Variants in LARGE1 observed in about 807,000 individuals in gnomAD.
LARGE1 encodes LARGE xylosyl- and glucuronyltransferase 1, also known as xylosyl- and glucuronyltransferase LARGE1.
Under a neutral mutation model 87.6 loss-of-function variants are expected in LARGE1, and 43 were observed. The ratio of observed to expected loss-of-function variants is 0.49; its 90% CI spans 0.38 to 0.63. The LOEUF (loss-of-function observed/expected upper bound fraction) is 0.63. Ranked by LOEUF, LARGE1 falls within the 30% of genes least tolerant of loss-of-function variation. The pLI, the probability that LARGE1 is intolerant of heterozygous loss-of-function variation, is 0.00. For missense variants in LARGE1, 802 were observed against 1,000.2 expected (o/e 0.80, Z 2.67); for synonymous variants, 434 against 394.6 (o/e 1.10, Z -1.18).
intron 11 of LARGE1, among the ~76,000 whole-genome samples, chr22:33,204,839 G>C (rs577674443): frequency 1.3e-4 from 19 of 151,830 alleles, no homozygotes; most frequent in East Asian, 7.7e-4. Context: ...ACTATAGAAG[G>C]GTTCTGTTGA....
At chr22:33,690,453 A>C (rs1437285805) in intron 2 of LARGE1, among the ~76,000 whole-genome samples, 1 of 152,138 alleles carries the variant, frequency 6.6e-6, no homozygotes, top group Non-Finnish European at 1.5e-5. Flanking sequence ...ATAGGTATCT[A>C]CATCCCCAGG....
chr22:33,300,464 T>A (rs1933998547), intron 12 of LARGE1, among the ~76,000 whole-genome samples: 2 of 152,210 alleles, frequency 1.3e-5, no homozygotes, highest in African/African-American at 4.8e-5. Flanking sequence ...TAGCTTCAGC[T>A]GCCTGGGCTC....
the LARGE1 span, among the ~76,000 whole-genome samples, chr22:33,120,203 T>G: frequency 6.6e-6 from 1 of 152,112 alleles, no homozygotes; most frequent in Non-Finnish European, 1.5e-5. Flanking sequence ...CTCTTAAGTC[T>G]TTTCTCAATT....
intron 2 of LARGE1, among the ~76,000 whole-genome samples, chr22:33,689,914 G>A (rs759840703): frequency 4.6e-5 from 7 of 151,462 alleles, no homozygotes; most frequent in Non-Finnish European, 1.0e-4. Context: ...GTGACAGGGC[G>A]AGACTCTGTC....
the LARGE1 span, among the ~76,000 whole-genome samples, chr22:33,100,610 T>C: frequency 1.3e-5 from 2 of 152,294 alleles, no homozygotes; most frequent in East Asian, 1.9e-4. Context: ...AAGTTTAATG[T>C]GTACATGTAT....
At chr22:33,386,190 C>G (rs1400353240) in intron 7 of LARGE1, among the ~76,000 whole-genome samples, 1 of 148,796 alleles carries the variant, frequency 6.7e-6, no homozygotes, top group Non-Finnish European at 1.5e-5. Flanking sequence ...TCCCTGAGAT[C>G]TCTACAAGAT....
At chr22:33,171,834 CCACA>C (rs1411020592) in intron 11 of LARGE1, among the ~76,000 whole-genome samples, 8 of 152,176 alleles carry the variant, frequency 5.3e-5, no homozygotes. Context: ...GTTGGAGTCC[CCACA>C]CAGAGTCCCC....
intron 6 of LARGE1, among the ~76,000 whole-genome samples, chr22:33,480,130 C>CTG: frequency 6.6e-6 from 1 of 152,168 alleles, no homozygotes; most frequent in Non-Finnish European, 1.5e-5. Context: ...CTACTCAAAG[C>CTG]AACGGTGCCT....
chr22:33,474,362 C>T (rs2068982666), intron 6 of LARGE1, among the ~76,000 whole-genome samples: 2 of 152,072 alleles, frequency 1.3e-5, no homozygotes, highest in African/African-American at 4.8e-5. Flanking sequence ...GGGGTTTCAC[C>T]ATTTTGGTCA....
At chr22:33,564,305 C>G (rs1274086321) in intron 6 of LARGE1, among the ~76,000 whole-genome samples, 1 of 152,126 alleles carries the variant, frequency 6.6e-6, no homozygotes, top group African/African-American at 2.4e-5. Flanking sequence ...CCTAGGTACT[C>G]TCATATACCT....
chr22:33,211,568 C>T (rs1482991678), intron 11 of LARGE1, among the ~76,000 whole-genome samples: 1 of 151,754 alleles, frequency 6.6e-6, no homozygotes, highest in Non-Finnish European at 1.5e-5. Flanking sequence ...GGTCAGGAGT[C>T]CGAGACCAGC....
rs546458812 is a variant in LARGE1, at chr22:33,457,626, TAAAAGTGTACAA to T, written c.788-25373_788-25362del. Among the ~76,000 whole-genome samples the T allele has an allele frequency of 3.0e-4, 46 of 151,812 alleles. 1 individual carries two copies. In the South Asian group the frequency reaches 8.7e-3, roughly 29 times the overall value. Reference sequence around the variant, plus strand: ...CATAAGACAAAAAATGGAATGTAAGTAAAAGTGTACAAAAAAGTGTACAAAAAAGGAATGTAA... The same window carrying T: ...CATAAGACAAAAAATGGAATGTAAGTAAAAGTGTACAAAAAAGGAATGTAA... On this transcript the variant is annotated intron_variant, in intron 6 of 14. Transcript: ENST00000397394.
intron 1 of LARGE1, among the ~76,000 whole-genome samples, chr22:33,832,599 C>G (rs4821189): frequency 0.85 from 129,348 of 152,258 alleles, 55,060 homozygotes; most frequent in African/African-American, 0.9. Flanking sequence ...GATTAAGATG[C>G]GGCAACCCCA....
intron 7 of LARGE1, among the ~76,000 whole-genome samples, chr22:33,407,877 C>G (rs1178126218): frequency 6.6e-6 from 1 of 152,046 alleles, no homozygotes; most frequent in Non-Finnish European, 1.5e-5. Context: ...AGCAGAGAGA[C>G]ACTCTGTAAA....
chr22:33,590,085 T>G lies in LARGE1; in HGVS notation c.615+14350A>C, dbSNP rs185874392. On this transcript the variant is annotated intron_variant, in intron 5 of 14. Transcript: ENST00000397394. Reference sequence around the variant, plus strand: ...TCATTAACAAGATGATTCATCTTTCTTTTCTGTGGCCAAAGCTCTCCCAAC... The same window carrying G: ...TCATTAACAAGATGATTCATCTTTCGTTTCTGTGGCCAAAGCTCTCCCAAC... 5.9e-3 allele frequency among the ~76,000 whole-genome samples: 905 copies of G among 152,354 alleles called. 6 individuals carry two copies. Among genetic ancestry groups the G allele is most frequent in the Non-Finnish European group, 9.4e-3 (641 of 68,032 alleles).
chr22:33,535,743 T>A lies in LARGE1; in HGVS notation c.787+29105A>T, dbSNP rs146411275. On this transcript the variant is annotated intron_variant, in intron 6 of 14. Coordinates refer to ENST00000397394, the MANE Select transcript of LARGE1 (RefSeq NM_133642.5). Reference sequence around the variant, plus strand: ...TGGAACCTCTCACGGCTGAGCCCTGTCTGGGATCAGCAAAGTCAATCAGCC... The same window carrying A: ...TGGAACCTCTCACGGCTGAGCCCTGACTGGGATCAGCAAAGTCAATCAGCC... Among the ~76,000 whole-genome samples, 70 of 152,252 alleles carry A rather than the reference T, an allele frequency of 4.6e-4. No homozygotes were observed. The East Asian group carries it at 0.013, about 28-fold the overall frequency.
intron 1 of LARGE1, among the ~76,000 whole-genome samples, chr22:33,906,221 C>T (rs2065450408): frequency 6.6e-6 from 1 of 152,026 alleles, no homozygotes; most frequent in Non-Finnish European, 1.5e-5. Context: ...AACCGTGGAC[C>T]AGACAGGGAT....
chr22:33,214,546 C>G (rs1298712883), intron 11 of LARGE1, among the ~76,000 whole-genome samples: 1 of 152,106 alleles, frequency 6.6e-6, no homozygotes, highest in Non-Finnish European at 1.5e-5. Context: ...GTCATTTAAG[C>G]AGCCCTTCTG....
intron 9 of LARGE1, among the ~76,000 whole-genome samples, chr22:33,350,312 G>C (rs1394774251): frequency 1.3e-5 from 2 of 152,206 alleles, no homozygotes; most frequent in Non-Finnish European, 2.9e-5. Flanking sequence ...ACAGTGTTAA[G>C]TGTCCTCAAT....
Sources: allele counts gnomAD v4.1 joint callset (sites outside exome capture counted in the v4.1 genomes callset), GRCh38; gene constraint gnomAD v4.1.1; transcripts MANE v1.5; gene names NCBI Gene and HGNC (gene_info 2026-07-23, HGNC 2026-07-21).